Variants in ODAD2 observed in about 807,000 individuals in gnomAD.
ODAD2 encodes outer dynein arm-docking complex subunit 2.
ODAD2 carries 89 observed loss-of-function variants against 106.8 expected under a neutral mutation model. The observed-to-expected ratio is 0.83, with a 90% confidence interval of 0.70 to 0.99. The LOEUF (loss-of-function observed/expected upper bound fraction) is 0.99. Ranked by LOEUF, ODAD2 falls within the 50% of genes least tolerant of loss-of-function variation. The pLI is 0.00. For synonymous variants in ODAD2, 404 were observed against 436.2 expected, an observed-to-expected ratio of 0.93 and a Z score of 0.92; for missense variants, 1,168 against 1,238.5, an observed-to-expected ratio of 0.94 and a Z score of 0.85.
intron 12 of ODAD2, 42 bp downstream of exon 12, chr10:27,944,180 C>G: frequency 1.3e-6 from 2 of 1,534,596 alleles, no homozygotes; most frequent in South Asian, 2.3e-5. Context: ...TGTGCAGTGG[C>G]GGCTGGCACT....
intron 19 of ODAD2, among the ~76,000 whole-genome samples, chr10:27,835,315 G>T (rs747631889): frequency 6.6e-6 from 1 of 152,194 alleles, no homozygotes; most frequent in Non-Finnish European, 1.5e-5. Flanking sequence ...GTACAGGAAC[G>T]GGACTTTAAT....
chr10:27,950,919 A>C (rs1847286951), intron 10 of ODAD2, among the ~76,000 whole-genome samples: 1 of 152,202 alleles, frequency 6.6e-6, no homozygotes, highest in Non-Finnish European at 1.5e-5. Flanking sequence ...AAAATAGTTC[A>C]ATAAAGTGGA....
rs1345568352 is a variant in ODAD2 at position 27,823,466 on chromosome 10, GTATGTGACCTGAGGTAACTCTCTCTA to G, written c.3022-10867_3022-10842del. On this transcript the variant is annotated intron_variant, in intron 19 of 19. Transcript: ENST00000305242. ...ATCCTGACTTCACATCTTCCTAACT[GTATGTGACCTGAGGTAACTCTCTCTA>G]AACCTTAGTTTTCTTATCAGTAAAA... Among the ~76,000 whole-genome samples the G allele has an allele frequency of 4.6e-5, 7 of 152,266 alleles. No individual in the cohort carries two copies. The East Asian group carries it at 1.4e-3, about 29-fold the overall frequency.
chr10:27,856,737 T>G (rs1420307947), intron 19 of ODAD2, among the ~76,000 whole-genome samples: 9 of 151,940 alleles, frequency 5.9e-5, no homozygotes, highest in Non-Finnish European at 1.3e-4. Context: ...AAGGCCGAGG[T>G]GGGTGGATCA....
In ODAD2 at chr10:27,886,471, G is replaced by T. The variant is rs142588104; in HGVS notation, c.2610+21192C>A. Among the ~76,000 whole-genome samples the T allele has an allele frequency of 5.8e-4, 88 of 152,144 alleles. 3 individuals are homozygous for T. In the East Asian group the frequency reaches 0.017, roughly 29 times the overall value. On this transcript the variant is annotated intron_variant, in intron 17 of 19. Transcript: ENST00000305242. ...TTAGACTAACCTAGAGAAACAAGTTGAAGGATTTATTACTAGACTTGTCAC... is the reference window on the plus strand; with the variant it reads ...TTAGACTAACCTAGAGAAACAAGTTTAAGGATTTATTACTAGACTTGTCAC...
At chr10:27,935,693 C>T (rs565767900) in intron 15 of ODAD2, among the ~76,000 whole-genome samples, 5 of 125,264 alleles carry the variant, frequency 4.0e-5, no homozygotes, top group South Asian at 2.8e-4. Flanking sequence ...GTAGCTTGTG[C>T]TACTTGGATA....
chr10:27,827,533 C>T (rs1286853321), intron 19 of ODAD2, among the ~76,000 whole-genome samples: 1 of 151,936 alleles, frequency 6.6e-6, no homozygotes, highest in Non-Finnish European at 1.5e-5. Context: ...CCAAGTCAGA[C>T]ATTTAGACAT....
chr10:27,999,114 G>C (rs1344257240), upstream of ODAD2: 1 of 152,500 alleles, frequency 6.6e-6, no homozygotes, highest in African/African-American at 2.4e-5. Flanking sequence ...GCTGCTTTCC[G>C]CTCGGCCCCT....
chr10:27,945,114 T>C lies in ODAD2; in HGVS notation c.1387-152A>G. 4 of 847,840 alleles carry C rather than the reference T, an allele frequency of 4.7e-6. No homozygotes were observed. The Admixed American group carries it at 8.0e-5, about 17-fold the overall frequency. 52.5% of individuals were successfully genotyped at this position (847,840 alleles called of 1,614,324 possible). On this transcript the variant is annotated intron_variant, in intron 10 of 19. Coordinates refer to ENST00000305242, the MANE Select transcript of ODAD2 (RefSeq NM_018076.5). The stretch of plus-strand genomic sequence containing the variant: ...AGGTAGAGCCGAAGCATGGAAAAGC[T>C]GTACAGAGCATCATAAAACATTGTT...
chr10:27,922,907 AAAAACAAAAACAAAAT>A (rs1844894337), intron 16 of ODAD2, among the ~76,000 whole-genome samples: 1 of 152,150 alleles, frequency 6.6e-6, no homozygotes, highest in Non-Finnish European at 1.5e-5. Context: ...CTCTGTCTCA[AAAAACAAAAACAAAAT>A]AAAACAAAAA....
chr10:27,872,359 C>A (rs548853860), intron 17 of ODAD2, among the ~76,000 whole-genome samples: 1 of 151,946 alleles, frequency 6.6e-6, no homozygotes, highest in South Asian at 2.1e-4. Flanking sequence ...CTTTCTCCTG[C>A]CTGATTGCCC....
chr10:27,907,803 A>G, intron 16 of ODAD2, 26 bp from the exon 17 acceptor site: 1 of 1,407,616 alleles, frequency 7.1e-7, no homozygotes, highest in Non-Finnish European at 1.0e-6. Flanking sequence ...AAATCATGAT[A>G]TAAACTGTCA....
At chr10:27,911,196 A>G (rs895421236) in intron 16 of ODAD2, among the ~76,000 whole-genome samples, 1 of 152,128 alleles carries the variant, frequency 6.6e-6, no homozygotes, top group African/African-American at 2.4e-5. Context: ...GACTGTGAAA[A>G]ACGTGGCACT....
At chr10:27,918,908 TA>T (rs199821545) in intron 16 of ODAD2, among the ~76,000 whole-genome samples, 24,168 of 142,796 alleles carry the variant, frequency 0.17, 2,886 homozygotes, top group African/African-American at 0.35. Flanking sequence ...CCATTACTTG[TA>T]AAAAAAAAAA....
At chr10:27,876,792 T>G (rs1472002859) in intron 17 of ODAD2, among the ~76,000 whole-genome samples, 2 of 152,234 alleles carry the variant, frequency 1.3e-5, no homozygotes, top group East Asian at 3.9e-4. Flanking sequence ...GTACACTTAC[T>G]GTGTTACAAC....
chr10:27,859,613 G>A (rs993879650), intron 19 of ODAD2, among the ~76,000 whole-genome samples: 1 of 152,074 alleles, frequency 6.6e-6, no homozygotes, highest in East Asian at 1.9e-4. Flanking sequence ...GGTTGTCATA[G>A]GCTCCAAATG....
chr10:27,887,021 C>CT (rs1589928394), intron 17 of ODAD2, among the ~76,000 whole-genome samples: 1 of 151,948 alleles, frequency 6.6e-6, no homozygotes, highest in East Asian at 1.9e-4. Flanking sequence ...AAGTGCTTTC[C>CT]TATACTTTAA....
chr10:27,996,638 A>T (rs1850573891), intron 1 of ODAD2, among the ~76,000 whole-genome samples: 3 of 152,184 alleles, frequency 2.0e-5, no homozygotes, highest in Non-Finnish European at 2.9e-5. Flanking sequence ...GTATTTTGTC[A>T]CAGTTTTATT....
chr10:27,835,520 C>A (rs1329833159), intron 19 of ODAD2, among the ~76,000 whole-genome samples: 1 of 152,104 alleles, frequency 6.6e-6, no homozygotes, highest in Non-Finnish European at 1.5e-5. Flanking sequence ...GGGCACCACG[C>A]CCTCATACAG....
Sources: gnomAD v4.1 joint callset for allele counts (sites outside exome capture counted in the v4.1 genomes callset) on GRCh38, gnomAD v4.1.1 for gene constraint, MANE v1.5 for transcripts, NCBI Gene and HGNC (gene_info 2026-07-23, HGNC 2026-07-21) for gene names.